ZNF793: variants seen among roughly 807,000 people sequenced by gnomAD.
ZNF793 encodes the protein zinc finger protein 793.
Under a neutral mutation model 12.4 loss-of-function variants are expected in ZNF793, and 5 were observed. The ratio of observed to expected loss-of-function variants is 0.40; its 90% CI spans 0.21 to 0.84. The LOEUF (loss-of-function observed/expected upper bound fraction) is 0.84, where lower values mean the gene tolerates loss of function less well. Among genes scored for constraint, ZNF793 ranks in the 40% least tolerant of loss-of-function variants. The pLI is 0.35. For synonymous variants in ZNF793, 162 were observed against 172.4 expected (o/e 0.94, Z 0.47); for missense variants, 456 against 495.0 (o/e 0.92, Z 0.75).
At chr19:37,535,287 C>T (rs2042496182) in intron 7 of ZNF793, 1 of 152,174 alleles carries the variant, frequency 6.6e-6, no homozygotes, top group South Asian at 2.1e-4. Context: ...CCACTGCACC[C>T]AGCCCCACTT....
At chr19:37,507,852 A>G (rs914695527) in intron 1 of ZNF793, among the ~76,000 whole-genome samples, 2 of 152,144 alleles carry the variant, frequency 1.3e-5, no homozygotes, top group Non-Finnish European at 2.9e-5. Flanking sequence ...TCAGATTTGA[A>G]CATAGGGGAA....
chr19:37,537,211 GA>G lies in ZNF793; in HGVS notation c.557del (p.Lys186SerfsTer24). Reference protein sequence around the residue: ...RINHGRRPNGEKPRGCSHCEK... With the variant: ...RINHGRRPNGXKPRGCSHCEK... Reference sequence around the variant, plus strand: ...AAATCATGGTAGACGACCTAATGGAGAAAAGCCCCGGGGTTGCAGTCACTGT... The same window carrying G: ...AAATCATGGTAGACGACCTAATGGAGAAAGCCCCGGGGTTGCAGTCACTGT... On this transcript the variant is annotated frameshift_variant, in exon 8 of 8. Transcript: ENST00000627814. LOFTEE classifies it low-confidence loss of function (END_TRUNC). 1 of 1,613,896 alleles carries G rather than the reference GA, an allele frequency of 6.2e-7. No homozygotes were observed. The highest frequency in any genetic ancestry group is 2.2e-5 in the East Asian group (1 of 44,890).
chr19:37,520,880 A>G (rs1200827639), intron 3 of ZNF793, among the ~76,000 whole-genome samples: 1 of 151,990 alleles, frequency 6.6e-6, no homozygotes, highest in Non-Finnish European at 1.5e-5. Context: ...CCTACTGTAT[A>G]TAATTTTGTT....
intron 2 of ZNF793, among the ~76,000 whole-genome samples, chr19:37,519,259 C>G (rs576963024): frequency 6.6e-6 from 1 of 152,192 alleles, no homozygotes; most frequent in South Asian, 2.1e-4. Flanking sequence ...GAGCAAGACT[C>G]CGACTCAAAA....
At position 37,523,395 on chromosome 19, in the gene ZNF793, C is replaced by T. The variant is rs1232853441; in HGVS notation, c.-30-15C>T. ...TTCTCTCTTTCTCCATCTTCTTCCC[C>T]CCACATGTCTACAGGTGTCAGATCT... On this transcript the variant is annotated splice_polypyrimidine_tract_variant and intron_variant, in intron 4 of 7. Coordinates refer to ENST00000627814, the MANE Select transcript of ZNF793 (RefSeq NM_001013659.3). 1 of 1,604,394 alleles carries T rather than the reference C, an allele frequency of 6.2e-7. No individual in the cohort carries two copies. Among genetic ancestry groups the T allele is most frequent in the Non-Finnish European group, 8.5e-7 (1 of 1,171,292 alleles).
At chr19:37,528,086 G>C (rs575797979) in intron 5 of ZNF793, among the ~76,000 whole-genome samples, 83 of 152,044 alleles carry the variant, frequency 5.5e-4, no homozygotes, top group Non-Finnish European at 1.1e-3. Context: ...CCGAGACTGC[G>C]CCACTGCACT....
Position 37,522,652 on chromosome 19 carries a change from G to A in ZNF793, c.-31+5G>A, listed in dbSNP as rs1485033881. On this transcript the variant is annotated splice_donor_5th_base_variant and intron_variant, in intron 4 of 7. Coordinates refer to ENST00000627814, the MANE Select transcript of ZNF793 (RefSeq NM_001013659.3). The stretch of plus-strand genomic sequence containing the variant: ...CGACATTTTTGAAGAGTATAGGTAG[G>A]TTATTTTGTATATTGTAACTCAGTA... The A allele has an allele frequency of 6.6e-6, 1 of 152,134 alleles. No homozygotes were observed. Among genetic ancestry groups the A allele is most frequent in the Non-Finnish European group, 1.5e-5 (1 of 68,032 alleles). 9.4% of individuals were successfully genotyped at this position (152,134 alleles called of 1,614,324 possible).
In ZNF793 at chr19:37,518,251, G is replaced by A. The variant is rs141230986; in HGVS notation, c.-275-1933G>A. 9.4e-3 allele frequency among the ~76,000 whole-genome samples: 1,433 copies of A among 151,944 alleles called. 13 individuals carry two copies. Among genetic ancestry groups the A allele is most frequent in the African/African-American group, 0.025 (1,023 of 41,448 alleles). Reference sequence around the variant, plus strand: ...AGCAATTCTCCTGCCTCAGCCTCCCGAGTAGCTGGGATTACAGGCCCCTCC... The same window carrying A: ...AGCAATTCTCCTGCCTCAGCCTCCCAAGTAGCTGGGATTACAGGCCCCTCC... On this transcript the variant is annotated intron_variant, in intron 2 of 7. Coordinates refer to ENST00000627814, the MANE Select transcript of ZNF793 (RefSeq NM_001013659.3).
chr19:37,516,890 C>T (rs2042336900), intron 2 of ZNF793, among the ~76,000 whole-genome samples: 1 of 151,924 alleles, frequency 6.6e-6, no homozygotes, highest in African/African-American at 2.4e-5. Context: ...AAGCGATCTG[C>T]CCACCTCGGC....
intron 2 of ZNF793, among the ~76,000 whole-genome samples, chr19:37,510,854 G>A (rs895365353): frequency 1.3e-5 from 2 of 151,568 alleles, no homozygotes; most frequent in Admixed American, 1.3e-4. Flanking sequence ...CCATGACCAC[G>A]CCCAGCTACT....
rs1401330997 is a variant in ZNF793 at position 37,539,321 on chromosome 19, C to T, written c.*1442C>T. On this transcript the variant is annotated 3_prime_UTR_variant, in exon 8 of 8. Coordinates refer to ENST00000627814, the MANE Select transcript of ZNF793 (RefSeq NM_001013659.3). ...GCATTGCTACACTATTCTAGATACA[C>T]TATTCTATATACAGGTTGTATAACT... 1 of 152,180 alleles carries T rather than the reference C, an allele frequency of 6.6e-6. No homozygotes were observed. The highest frequency in any genetic ancestry group is 1.9e-4 in the East Asian group (1 of 5,200). The allele number at this position is 152,180 out of a possible 1,614,324, so 9.4% of individuals were successfully genotyped here.
In ZNF793 at chr19:37,537,811, C is replaced by T. The variant is rs1289099045; in HGVS notation, c.1153C>T (p.His385Tyr). Residue 385 changes from histidine to tyrosine, a missense_variant, in exon 8 of 8, where the codon CAT (histidine) becomes TAT (tyrosine). His to Tyr is a moderately conservative substitution (Grantham distance 83). Coordinates refer to ENST00000627814, the MANE Select transcript of ZNF793 (RefSeq NM_001013659.3). ...AFYQKPNLSR[H>Y]QKIHARKNAY... ...CTACCAGAAGCCAAACCTCAGCAGACATCAGAAAATTCATGCTCGGAAGAA... is the reference window on the plus strand; with the variant it reads ...CTACCAGAAGCCAAACCTCAGCAGATATCAGAAAATTCATGCTCGGAAGAA... 2.5e-6 allele frequency: 4 copies of T among 1,613,218 alleles called. No homozygotes were observed. Among genetic ancestry groups the T allele is most frequent in the Non-Finnish European group, 3.4e-6 (4 of 1,179,588 alleles).
At chr19:37,510,605 GC>G (rs1344994463) in intron 2 of ZNF793, among the ~76,000 whole-genome samples, 2 of 151,448 alleles carry the variant, frequency 1.3e-5, no homozygotes, top group African/African-American at 4.8e-5. Flanking sequence ...GATTCCTTGA[GC>G]CCAGGAGTTC....
Position 37,542,468 on chromosome 19 carries a change from TA to T in ZNF793, c.*4593del. 1 of 416,542 alleles carries T rather than the reference TA, an allele frequency of 2.4e-6. No individual in the cohort carries two copies. The allele number at this position is 416,542 out of a possible 1,614,324, so 25.8% of individuals were successfully genotyped here. On this transcript the variant is annotated 3_prime_UTR_variant, in exon 8 of 8. Coordinates refer to ENST00000627814, the MANE Select transcript of ZNF793 (RefSeq NM_001013659.3). ...ACTTTGGAGAATCTTCCCTTAGAAG[TA>T]AAAGCTCCAATACATAAAAGACAGA...
Position 37,538,161 on chromosome 19 carries a change from C to T in ZNF793, c.*282C>T, listed in dbSNP as rs539201465. 8.9e-5 allele frequency: 26 copies of T among 292,440 alleles called. No individual in the cohort carries two copies. Among genetic ancestry groups the T allele is most frequent in the Admixed American group, 3.8e-4 (8 of 20,964 alleles). The allele number at this position is 292,440 out of a possible 1,614,324, so 18.1% of individuals were successfully genotyped here. On this transcript the variant is annotated 3_prime_UTR_variant, in exon 8 of 8. Coordinates refer to ENST00000627814, the MANE Select transcript of ZNF793 (RefSeq NM_001013659.3). ...CGATCTCCTGACCTTGTGATCTGCC[C>T]GCCTTGTCCTCCCAAAGTGCTGGGA...
intron 2 of ZNF793, among the ~76,000 whole-genome samples, chr19:37,509,891 T>G (rs2042279799): frequency 6.6e-6 from 1 of 152,132 alleles, no homozygotes; most frequent in Admixed American, 6.6e-5. Flanking sequence ...CTGCCAGAGG[T>G]TCCCTAGCTT....
rs534828824 is a variant in ZNF793 at position 37,527,453 on chromosome 19, A to G, written c.15+3999A>G. On this transcript the variant is annotated intron_variant, in intron 5 of 7. Coordinates refer to ENST00000627814, the MANE Select transcript of ZNF793 (RefSeq NM_001013659.3). ...AATTTATATAATGGTATTATGTGCC[A>G]GGCACTGTTCAAAGGCTTTACACCT... Among the ~76,000 whole-genome samples the G allele has an allele frequency of 1.4e-4, 22 of 152,342 alleles. No homozygotes were observed. The East Asian group carries it at 3.7e-3, about 25-fold the overall frequency.
At chr19:37,532,290 C>G in intron 5 of ZNF793, 66 bp from the exon 6 acceptor site, 2 of 1,547,976 alleles carry the variant, frequency 1.3e-6, no homozygotes, top group Non-Finnish European at 1.8e-6. Flanking sequence ...AGGCATGAGC[C>G]ACCATGCCTG....
In ZNF793 at chr19:37,538,078, AT is replaced by A. The variant is rs71177465; in HGVS notation, c.*209del. 2,508 of 466,526 alleles carry A rather than the reference AT, an allele frequency of 5.4e-3. No individual in the cohort carries two copies. Among genetic ancestry groups the A allele is most frequent in the Middle Eastern group, 0.01 (17 of 1,668 alleles). 28.9% of individuals were successfully genotyped at this position (466,526 alleles called of 1,614,324 possible). A position where few individuals can be genotyped will look rare whatever the true frequency, so the allele number is the denominator to read the frequency against. On this transcript the variant is annotated 3_prime_UTR_variant, in exon 8 of 8. Coordinates refer to ENST00000627814, the MANE Select transcript of ZNF793 (RefSeq NM_001013659.3). ...AGGTGCCCACCACCATGCCCGGCTA[AT>A]TTTTTTTTTGTATTTTTAGTAGAGA...
Sources: gnomAD v4.1 joint callset for allele counts (sites outside exome capture counted in the v4.1 genomes callset) on GRCh38, gnomAD v4.1.1 for gene constraint, MANE v1.5 for transcripts, NCBI Gene and HGNC (gene_info 2026-07-23, HGNC 2026-07-21) for gene names.